HERC2: variants seen among roughly 807,000 people sequenced by gnomAD.
HERC2 encodes the protein E3 ubiquitin-protein ligase HERC2.
HERC2 carries 102 observed loss-of-function variants against 537.7 expected under a neutral mutation model. The observed-to-expected ratio is 0.19, with a 90% confidence interval of 0.16 to 0.22. The LOEUF is 0.22. HERC2 is among the 10% of genes least tolerant of loss of function. The pLI is 1.00. For synonymous variants in HERC2, 2,224 were observed against 2,466.2 expected, an observed-to-expected ratio of 0.90 and a Z score of 2.91; for missense variants, 4,236 against 6,198.2, an observed-to-expected ratio of 0.68 and a Z score of 10.63.
At chr15:28,240,183 C>CGGAAG (rs1180128112) in intron 23 of HERC2, among the ~76,000 whole-genome samples, 2 of 152,178 alleles carry the variant, frequency 1.3e-5, no homozygotes, top group Non-Finnish European at 2.9e-5. Flanking sequence ...CTTTGGGAGG[C>CGGAAG]CAAGGTGGGC....
intron 78 of HERC2, among the ~76,000 whole-genome samples, chr15:28,137,413 A>C (rs1460011412): frequency 6.6e-6 from 1 of 152,212 alleles, no homozygotes; most frequent in African/African-American, 2.4e-5. Context: ...GGTCTGTGGC[A>C]ACCCTACACT....
intron 2 of HERC2, among the ~76,000 whole-genome samples, chr15:28,311,123 A>G (rs1040544556): frequency 6.8e-6 from 1 of 147,906 alleles, no homozygotes; most frequent in African/African-American, 2.5e-5. Context: ...CAAGGGTCCA[A>G]AAAAGAAAGG....
At chr15:28,312,556 A>C (rs2076976283) in intron 2 of HERC2, among the ~76,000 whole-genome samples, 1 of 152,198 alleles carries the variant, frequency 6.6e-6, no homozygotes, top group South Asian at 2.1e-4. Flanking sequence ...ACCTGCACCC[A>C]GGAGTTTGAG....
Position 28,270,823 on chromosome 15 carries a change from G to C in HERC2, c.1129C>G (p.Leu377Val), listed in dbSNP as rs1446129328. ...LSPNESFLRY[L>V]TLPQDNELAI... ...AGCTCGTTGTCTTGTGGAAGGGTGA[G>C]GTACCTCAGGAAACTCTCATTGGGG... Residue 377 changes from leucine to valine, a missense_variant, in exon 10 of 93, where the codon CTC (leucine) becomes GTC (valine). Physicochemically the swap from Leu to Val is conservative, Grantham distance 32. Coordinates refer to ENST00000261609, the MANE Select transcript of HERC2 (RefSeq NM_004667.6). 6.2e-7 allele frequency: 1 copy of C among 1,613,852 alleles called. No homozygotes were observed. The highest frequency in any genetic ancestry group is 8.5e-7 in the Non-Finnish European group (1 of 1,179,846).
At chr15:28,264,037 A>C (rs1162723873) in intron 14 of HERC2, among the ~76,000 whole-genome samples, 1 of 149,414 alleles carries the variant, frequency 6.7e-6, no homozygotes, top group Non-Finnish European at 1.5e-5. Flanking sequence ...AAAAAAAAAA[A>C]ACAAACAAAA....
Position 28,177,592 on chromosome 15 carries a change from C to A in HERC2, c.9164-83G>T. 7 of 1,166,510 alleles carry A rather than the reference C, an allele frequency of 6.0e-6. No homozygotes were observed. The highest frequency in any genetic ancestry group is 7.7e-6 in the Non-Finnish European group (6 of 775,668). 72.3% of individuals were successfully genotyped at this position (1,166,510 alleles called of 1,614,324 possible). On this transcript the variant is annotated intron_variant, in intron 59 of 92. Coordinates refer to ENST00000261609, the MANE Select transcript of HERC2 (RefSeq NM_004667.6). This position sits in a 1 kb window ranked among gnomAD's most constrained non-coding sequence, Gnocchi z 5.0. ...ATAGCTAGCTCCCTATTTTGCCTGG[C>A]ATATAGCACACACTCAATGAGCGTG... is the stretch of plus-strand genomic sequence containing the variant.
chr15:28,181,680 G>T (rs1895833066), intron 57 of HERC2, among the ~76,000 whole-genome samples: 1 of 152,164 alleles, frequency 6.6e-6, no homozygotes, highest in Non-Finnish European at 1.5e-5. Flanking sequence ...AAGGAATGCT[G>T]AATTCAACTC....
At chr15:28,299,992 G>T (rs1016129417) in intron 2 of HERC2, among the ~76,000 whole-genome samples, 8 of 150,356 alleles carry the variant, frequency 5.3e-5, no homozygotes, top group African/African-American at 2.0e-4. Context: ...GGCAGAGGTT[G>T]CAGTGAGCCA....
chr15:28,204,973 C>CA (rs1434834350), intron 45 of HERC2, among the ~76,000 whole-genome samples: 3 of 151,300 alleles, frequency 2.0e-5, no homozygotes, highest in Non-Finnish European at 4.4e-5. Context: ...GGTAGGGGAA[C>CA]AAAAATCAAG....
At chr15:28,270,962 A>C in intron 9 of HERC2, 94 bp from the exon 10 acceptor site, 1 of 1,014,106 alleles carries the variant, frequency 9.9e-7, no homozygotes. Flanking sequence ...TTTGGTATTG[A>C]CTCATTTGAC....
intron 2 of HERC2, chr15:28,315,878 G>A (rs2077068696): frequency 2.0e-6 from 1 of 490,488 alleles, no homozygotes; most frequent in Non-Finnish European, 4.0e-6. Flanking sequence ...TCTAGAGCTT[G>A]TCTCAATGGA....
In HERC2 at chr15:28,268,434, T is replaced by C. The variant is rs1351354426; in HGVS notation, c.1598+31A>G. ...AGGATATGGCAACATAAAAGGAGAG[T>C]GTGTCCCCTACAGGAATAAGCGATA... On this transcript the variant is annotated intron_variant, in intron 12 of 92. Coordinates refer to ENST00000261609, the MANE Select transcript of HERC2 (RefSeq NM_004667.6). This position sits in a 1 kb window ranked among gnomAD's most constrained non-coding sequence, Gnocchi z 4.7. 3 of 1,593,622 alleles carry C rather than the reference T, an allele frequency of 1.9e-6. No individual in the cohort carries two copies. Among genetic ancestry groups the C allele is most frequent in the Admixed American group, 1.7e-5 (1 of 58,556 alleles).
At chr15:28,219,015 C>T (rs767965846) in intron 37 of HERC2, among the ~76,000 whole-genome samples, 1 of 152,174 alleles carries the variant, frequency 6.6e-6, no homozygotes, top group Non-Finnish European at 1.5e-5. Context: ...AAAGATGGAA[C>T]TCAGGATGCA....
At chr15:28,274,695 T>TG (rs1321176851) in intron 6 of HERC2, among the ~76,000 whole-genome samples, 1 of 151,878 alleles carries the variant, frequency 6.6e-6, no homozygotes, top group East Asian at 1.9e-4. Flanking sequence ...GACGTGGGGG[T>TG]GGGGGTGCAT....
chr15:28,124,699 A>C (rs1889283061), intron 84 of HERC2, among the ~76,000 whole-genome samples: 6 of 152,182 alleles, frequency 3.9e-5, no homozygotes, highest in Admixed American at 3.9e-4. Context: ...AGCTGGGACT[A>C]CAGGTGCATG....
rs1001397356 is a variant in HERC2 at position 28,268,490 on chromosome 15, C to T, written c.1573G>A (p.Gly525Arg). 3 of 1,614,036 alleles carry T rather than the reference C, an allele frequency of 1.9e-6. No homozygotes were observed. Among genetic ancestry groups the T allele is most frequent in the Non-Finnish European group, 2.5e-6 (3 of 1,179,928 alleles). The change falls in exon 12 of 93, where the codon GGA becomes AGA. Residue 525 changes from glycine (G) to arginine (R), a missense_variant. By Grantham distance (125) the Gly-to-Arg change is moderately radical. This residue lies in a region of HERC2 where 754 missense variants were observed against 1,085.0 expected (regional missense o/e 0.69). Coordinates refer to ENST00000261609, the MANE Select transcript of HERC2 (RefSeq NM_004667.6). The surrounding 1 kb of genome is among the most constrained non-coding windows in gnomAD (Gnocchi z 4.7). Reference sequence around the variant, plus strand: ...ACAGTGTCCCCATGGCCCAGCCGTCCGCCGTCCCCACAGCCCCAGGAGTAC... The same window carrying T: ...ACAGTGTCCCCATGGCCCAGCCGTCTGCCGTCCCCACAGCCCCAGGAGTAC... ...EVYSWGCGDG[G>R]RLGHGDTVPL...
intron 16 of HERC2, among the ~76,000 whole-genome samples, chr15:28,260,234 C>T (rs1363024000): frequency 6.6e-6 from 1 of 151,876 alleles, no homozygotes; most frequent in Non-Finnish European, 1.5e-5. Context: ...ATGTAATACA[C>T]CATACTAACA....
Position 28,212,470 on chromosome 15 carries a change from C to A in HERC2, c.6900G>T (p.Lys2300Asn), listed in dbSNP as rs779041581. 1.2e-5 allele frequency: 19 copies of A among 1,610,300 alleles called. No homozygotes were observed. In the African/African-American group the frequency reaches 1.9e-4, roughly 16 times the overall value. ...CTGCAAAGGCCTGTTTAGTCGATTT[C>A]TTTATTTTGTGCTTTTCTAACTTGC... ...AGSKLEKHKI[K>N]KSTKQAFAGQ... Residue 2300 changes from lysine to asparagine, a missense_variant, in exon 43 of 93, where the codon AAG (lysine) becomes AAT (asparagine). Coordinates refer to ENST00000261609, the MANE Select transcript of HERC2 (RefSeq NM_004667.6).
intron 2 of HERC2, among the ~76,000 whole-genome samples, chr15:28,307,314 C>A (rs1047630270): frequency 6.6e-6 from 1 of 152,188 alleles, no homozygotes; most frequent in African/African-American, 2.4e-5. Flanking sequence ...TTTAGAAAAA[C>A]CAACTTTTCA....
Sources: allele counts gnomAD v4.1 joint callset (sites outside exome capture counted in the v4.1 genomes callset), GRCh38; gene constraint gnomAD v4.1.1; regional missense constraint gnomAD v4.1.1; non-coding constraint Gnocchi (gnomAD v3.1); transcripts MANE v1.5; gene names NCBI Gene and HGNC (gene_info 2026-07-23, HGNC 2026-07-21).